NPEPL1: variants seen among roughly 807,000 people sequenced by gnomAD.
NPEPL1 encodes aminopeptidase like 1, also known as probable aminopeptidase NPEPL1.
In NPEPL1, 45 loss-of-function variants were observed where a neutral mutation model predicts 52.4. The ratio of observed to expected loss-of-function variants is 0.86; its 90% confidence interval spans 0.68 to 1.10. NPEPL1 has a LOEUF of 1.10. NPEPL1 is among the 50% of genes least tolerant of loss of function. The pLI is 0.00. For synonymous variants in NPEPL1, 360 were observed against 314.7 expected (o/e 1.14, Z -1.52); for missense variants, 696 against 710.9 (o/e 0.98, Z 0.24).
At chr20:58,700,901 C>A (rs753479043) in intron 5 of NPEPL1, 115 bp from the exon 6 acceptor site, 4 of 1,122,274 alleles carry the variant, frequency 3.6e-6, no homozygotes, top group Non-Finnish European at 4.7e-6. Flanking sequence ...GCACCAGGCT[C>A]AGGCAGGCGG....
At chr20:58,703,823 T>C (rs1419768510) in intron 6 of NPEPL1, 8 of 984,684 alleles carry the variant, frequency 8.1e-6, no homozygotes, top group Non-Finnish European at 9.6e-6. Context: ...GGGTGGCTGG[T>C]AGAACTGCCA....
chr20:58,713,296 G>A lies in NPEPL1; in HGVS notation c.1002-124G>A, dbSNP rs977517829. ...ATCCCGGCCTTCCCATTCAGGGAAC[G>A]TGTTGGGGTTCGGGGAGCCACAGGG... On this transcript the variant is annotated intron_variant, in intron 8 of 11. Coordinates refer to ENST00000356091, the MANE Select transcript of NPEPL1 (RefSeq NM_024663.4). This position sits in a 1 kb window ranked among gnomAD's most constrained non-coding sequence, Gnocchi z 4.6. The A allele has an allele frequency of 1.1e-5, 14 of 1,283,932 alleles. No homozygotes were observed. Among genetic ancestry groups the A allele is most frequent in the African/African-American group, 3.0e-5 (2 of 66,938 alleles). 79.5% of individuals were successfully genotyped at this position (1,283,932 alleles called of 1,614,324 possible).
chr20:58,705,511 G>A lies in NPEPL1; in HGVS notation c.823-1612G>A, dbSNP rs745992951. The A allele has an allele frequency of 1.5e-5, 7 of 456,206 alleles. No homozygotes were observed. The East Asian group carries it at 2.1e-4, about 14-fold the overall frequency. The allele number at this position is 456,206 out of a possible 1,614,324, so 28.3% of individuals were successfully genotyped here. On this transcript the variant is annotated intron_variant, in intron 6 of 11. Transcript: ENST00000356091. ...TCATTTTCCCAGAGGGCACGGAAAC[G>A]AATACAGTGGCTCCCGGACCTCTTT...
At position 58,713,108 on chromosome 20, in the gene NPEPL1, C is replaced by T. The variant is rs914861218; in HGVS notation, c.1002-312C>T. 9 of 386,168 alleles carry T rather than the reference C, an allele frequency of 2.3e-5. No homozygotes were observed. Among genetic ancestry groups the T allele is most frequent in the Non-Finnish European group, 3.9e-5 (8 of 206,316 alleles). The allele number at this position is 386,168 out of a possible 1,614,324, so 23.9% of individuals were successfully genotyped here. On this transcript the variant is annotated intron_variant, in intron 8 of 11. Coordinates refer to ENST00000356091, the MANE Select transcript of NPEPL1 (RefSeq NM_024663.4). The surrounding 1 kb of genome is among the most constrained non-coding windows in gnomAD (Gnocchi z 4.6). Reference sequence around the variant, plus strand: ...TCTGCCGGGTGCCAGGCACAGTGTGCTGAAGGCCAGCCCAGCCGGTTCATG... The same window carrying T: ...TCTGCCGGGTGCCAGGCACAGTGTGTTGAAGGCCAGCCCAGCCGGTTCATG...
chr20:58,714,337 C>G (rs1199016719), intron 10 of NPEPL1: 1 of 603,052 alleles, frequency 1.7e-6, no homozygotes, highest in East Asian at 3.0e-5. Context: ...GGCTCAGTTG[C>G]CCCATCAGGC....
In NPEPL1 at chr20:58,713,860, T is replaced by G. The variant is rs2084904060; in HGVS notation, c.1126-57T>G. ...CTGCCTCCCGGTCCCTCTTTTGCCT[T>G]GGGTGTTTCTCTCCTGCCGTCCCGT... On this transcript the variant is annotated intron_variant, in intron 9 of 11. Transcript: ENST00000356091. This position sits in a 1 kb window ranked among gnomAD's most constrained non-coding sequence, Gnocchi z 4.6. The G allele has an allele frequency of 1.4e-6, 2 of 1,406,110 alleles. No homozygotes were observed. The highest frequency in any genetic ancestry group is 2.9e-5 in the African/African-American group (2 of 68,316). 87.1% of individuals were successfully genotyped at this position (1,406,110 alleles called of 1,614,324 possible).
rs750242362 is a variant in NPEPL1, at chr20:58,694,606, A to T, written c.507+14A>T. On this transcript the variant is annotated intron_variant, in intron 3 of 11. Coordinates refer to ENST00000356091, the MANE Select transcript of NPEPL1 (RefSeq NM_024663.4). ...TCCACATTGCAGGTGGGTGTCTGGA[A>T]GGGCAGACACTGCCCCTGGGCCCGG... is the stretch of plus-strand genomic sequence containing the variant. The T allele has an allele frequency of 2.6e-5, 42 of 1,606,266 alleles. No individual in the cohort carries two copies. The highest frequency in any genetic ancestry group is 3.4e-5 in the Non-Finnish European group (40 of 1,175,970).
chr20:58,715,615 T>A lies in NPEPL1; in HGVS notation c.*289T>A. ...TTCTGCACCCCGGGGTGAGGCCTCCTGCCTGCCTGGTGCCCTGTCCCAGCC... is the reference window on the plus strand; with the variant it reads ...TTCTGCACCCCGGGGTGAGGCCTCCAGCCTGCCTGGTGCCCTGTCCCAGCC... On this transcript the variant is annotated 3_prime_UTR_variant, in exon 12 of 12. Transcript: ENST00000356091. 3.7e-6 allele frequency: 1 copy of A among 266,802 alleles called. No homozygotes were observed. The highest frequency in any genetic ancestry group is 1.0e-4 in the East Asian group (1 of 9,852). The allele number at this position is 266,802 out of a possible 1,614,324, so 16.5% of individuals were successfully genotyped here. A position where few individuals can be genotyped will look rare whatever the true frequency, so the allele number is the denominator to read the frequency against.
rs781209730 is a variant in NPEPL1, at chr20:58,714,635, T to C, written c.1378T>C (p.Trp460Arg). 2 of 1,595,696 alleles carry C rather than the reference T, an allele frequency of 1.3e-6. No individual in the cohort carries two copies. Among genetic ancestry groups the C allele is most frequent in the Admixed American group, 1.7e-5 (1 of 58,334 alleles). The change falls in exon 11 of 12, where the codon TGG (tryptophan) becomes CGG (arginine). Residue 460 changes from tryptophan to arginine, a missense_variant. Physicochemically the swap from Trp to Arg is moderately radical, Grantham distance 101. Coordinates refer to ENST00000356091, the MANE Select transcript of NPEPL1 (RefSeq NM_024663.4). Reference sequence around the variant, plus strand: ...CATCGGCTTCGACTGGCCCGGAGTCTGGGTCCACCTGGACATTGCTGCACC... The same window carrying C: ...CATCGGCTTCGACTGGCCCGGAGTCCGGGTCCACCTGGACATTGCTGCACC... The part of the protein sequence containing the change: ...SHIGFDWPGV[W>R]VHLDIAAPVH...
chr20:58,693,749 G>GC lies in NPEPL1; in HGVS notation c.166dup (p.Leu56ProfsTer136), dbSNP rs1314027774. 3 of 1,607,040 alleles carry GC rather than the reference G, an allele frequency of 1.9e-6. No individual in the cohort carries two copies. The highest frequency in any genetic ancestry group is 2.6e-6 in the Non-Finnish European group (3 of 1,174,690). ...CCTTCTGATCTAGCTCTGGCAGGCT[G>GC]CCCTGAGCACGCTCAACCCCAACCC... On this transcript the variant is annotated frameshift_variant, in exon 2 of 12. Coordinates refer to ENST00000356091, the MANE Select transcript of NPEPL1 (RefSeq NM_024663.4). LOFTEE classifies it high-confidence loss of function.
Position 58,692,944 on chromosome 20 carries a change from C to CG in NPEPL1, c.46dup (p.Asp16GlyfsTer176). ...CAGTTCCAGGCGAGCGCGGGGGACT[C>CG]GGACCCACAGAGCCGGCCCCTGCTG... is the stretch of plus-strand genomic sequence containing the variant. On this transcript the variant is annotated frameshift_variant, in exon 1 of 12. Coordinates refer to ENST00000356091, the MANE Select transcript of NPEPL1 (RefSeq NM_024663.4). LOFTEE classifies it high-confidence loss of function. This position sits in a 1 kb window ranked among gnomAD's most constrained non-coding sequence, Gnocchi z 5.7. 8.6e-7 allele frequency: 1 copy of CG among 1,161,376 alleles called. No individual in the cohort carries two copies. The highest frequency in any genetic ancestry group is 2.2e-5 in the South Asian group (1 of 44,806). The allele number at this position is 1,161,376 out of a possible 1,614,324, so 71.9% of individuals were successfully genotyped here.
chr20:58,691,691 T>G, upstream of NPEPL1: 1 of 763,248 alleles, frequency 1.3e-6, no homozygotes, highest in East Asian at 2.9e-5. Context: ...TTTTTTTCTT[T>G]TCTTTTTTTT....
intron 3 of NPEPL1, among the ~76,000 whole-genome samples, chr20:58,697,535 G>A (rs115077903): frequency 6.6e-6 from 1 of 152,376 alleles, no homozygotes; most frequent in African/African-American, 2.4e-5. Flanking sequence ...GAGGTGGCCA[G>A]GCTGCAGTAT....
intron 3 of NPEPL1, among the ~76,000 whole-genome samples, chr20:58,698,239 G>A (rs899852030): frequency 2.0e-5 from 3 of 152,030 alleles, no homozygotes; most frequent in African/African-American, 7.3e-5. Context: ...GAAGTGCCTC[G>A]AAGGATGACT....
rs142550976 is a variant in NPEPL1, at chr20:58,707,327, G to GT, written c.900+128dup. On this transcript the variant is annotated intron_variant, in intron 7 of 11. Transcript: ENST00000356091. Reference sequence around the variant, plus strand: ...ACCCGAGTCTCCCCAGCGGATGCTTGTCCCCCCTCTGCCCCCAGGCTCTTC... The same window carrying GT: ...ACCCGAGTCTCCCCAGCGGATGCTTGTTCCCCCCTCTGCCCCCAGGCTCTTC... The GT allele has an allele frequency of 1.8e-3, 1,582 of 859,836 alleles. 16 individuals carry two copies. In the African/African-American group the frequency reaches 0.023, roughly 13 times the overall value. 53.3% of individuals were successfully genotyped at this position (859,836 alleles called of 1,614,324 possible).
Position 58,693,782 on chromosome 20 carries a change from A to G in NPEPL1, c.196A>G (p.Ser66Gly). 6.2e-7 allele frequency: 1 copy of G among 1,613,612 alleles called. No homozygotes were observed. Residue 66 changes from serine to glycine, a missense_variant, in exon 2 of 12, where the codon AGC (serine) becomes GGC (glycine). Transcript: ENST00000356091. Reference sequence around the variant, plus strand: ...CACGCTCAACCCCAACCCCACGGACAGCTGTCCCCTCTACCTGAACTACGC... The same window carrying G: ...CACGCTCAACCCCAACCCCACGGACGGCTGTCCCCTCTACCTGAACTACGC... ...LSTLNPNPTD[S>G]CPLYLNYATV...
At chr20:58,695,923 TCTCC>T (rs1036738668) in intron 3 of NPEPL1, among the ~76,000 whole-genome samples, 10 of 152,010 alleles carry the variant, frequency 6.6e-5, no homozygotes, top group African/African-American at 2.4e-4. Flanking sequence ...CATCCAGAGG[TCTCC>T]CTCCCTCCCG....
upstream of NPEPL1, chr20:58,692,017 G>A: frequency 1.7e-6 from 1 of 605,362 alleles, no homozygotes; most frequent in Non-Finnish European, 2.9e-6. The surrounding 1 kb of genome is among the most constrained non-coding windows in gnomAD (Gnocchi z 5.7). Flanking sequence ...TCCCCTGTAA[G>A]GCGACTGAGG....
At position 58,713,889 on chromosome 20, in the gene NPEPL1, C is replaced by T; in HGVS notation, c.1126-28C>T. The T allele has an allele frequency of 6.9e-7, 1 of 1,441,666 alleles. No individual in the cohort carries two copies. The highest frequency in any genetic ancestry group is 9.1e-7 in the Non-Finnish European group (1 of 1,100,732). The allele number at this position is 1,441,666 out of a possible 1,614,324, so 89.3% of individuals were successfully genotyped here. ...TGTTTCTCTCCTGCCGTCCCGTCCACACGCTTCCCGGGTTCCTGCCCGCCC... is the reference window on the plus strand; with the variant it reads ...TGTTTCTCTCCTGCCGTCCCGTCCATACGCTTCCCGGGTTCCTGCCCGCCC... On this transcript the variant is annotated intron_variant, in intron 9 of 11. Coordinates refer to ENST00000356091, the MANE Select transcript of NPEPL1 (RefSeq NM_024663.4). This position sits in a 1 kb window ranked among gnomAD's most constrained non-coding sequence, Gnocchi z 4.6.
Sources: gnomAD v4.1 joint callset for allele counts (sites outside exome capture counted in the v4.1 genomes callset) on GRCh38, gnomAD v4.1.1 for gene constraint, Gnocchi (gnomAD v3.1) non-coding constraint, MANE v1.5 for transcripts, NCBI Gene and HGNC (gene_info 2026-07-23, HGNC 2026-07-21) for gene names.